RANBP10: variants seen among roughly 807,000 people sequenced by gnomAD.
RANBP10 encodes the protein ran-binding protein 10.
In RANBP10, 24 loss-of-function variants were observed where a neutral mutation model predicts 72.8. That is an observed-to-expected ratio of 0.33 (90% CI 0.24 to 0.46). The LOEUF is 0.46. RANBP10 is among the 20% of genes least tolerant of loss of function. The pLI, the probability that RANBP10 is intolerant of heterozygous loss-of-function variation, is 1.00. For synonymous variants in RANBP10, 310 were observed against 322.3 expected, an observed-to-expected ratio of 0.96 and a Z score of 0.41; for missense variants, 679 against 817.5, an observed-to-expected ratio of 0.83 and a Z score of 2.07.
At chr16:67,772,923 C>T (rs556695773) in intron 2 of RANBP10, among the ~76,000 whole-genome samples, 1 of 152,184 alleles carries the variant, frequency 6.6e-6, no homozygotes, top group Non-Finnish European at 1.5e-5. Context: ...TAAATACCAT[C>T]TTACCTTTGC....
chr16:67,773,924 T>C (rs1445634951), intron 2 of RANBP10, among the ~76,000 whole-genome samples: 1 of 152,220 alleles, frequency 6.6e-6, no homozygotes, highest in Non-Finnish European at 1.5e-5. Flanking sequence ...CCAGAGGGGC[T>C]AGCTTCAAGG....
chr16:67,748,365 C>CA (rs1300711408), intron 3 of RANBP10, among the ~76,000 whole-genome samples: 2 of 150,262 alleles, frequency 1.3e-5, no homozygotes, highest in Non-Finnish European at 3.0e-5. Context: ...ACCAAAAATA[C>CA]AAAAAAAATT....
rs2053566336 is a variant in RANBP10, at chr16:67,724,165, C to T, written c.*2263G>A. The T allele has an allele frequency of 6.6e-6, 1 of 152,526 alleles. No individual in the cohort carries two copies. The highest frequency in any genetic ancestry group is 2.4e-5 in the African/African-American group (1 of 41,468). The allele number at this position is 152,526 out of a possible 1,614,324, so 9.4% of individuals were successfully genotyped here. ...CTAAGCTCAGGCACCCGTCCTCATCCCTGACACACCCCTGAAGGTAGCAGC... is the reference window on the plus strand; with the variant it reads ...CTAAGCTCAGGCACCCGTCCTCATCTCTGACACACCCCTGAAGGTAGCAGC... On this transcript the variant is annotated 3_prime_UTR_variant, in exon 14 of 14. Coordinates refer to ENST00000317506, the MANE Select transcript of RANBP10 (RefSeq NM_020850.3).
chr16:67,726,343 C>A lies in RANBP10; in HGVS notation c.*85G>T. The A allele has an allele frequency of 6.3e-7, 1 of 1,583,614 alleles. No homozygotes were observed. The highest frequency in any genetic ancestry group is 8.6e-7 in the Non-Finnish European group (1 of 1,164,118). On this transcript the variant is annotated 3_prime_UTR_variant, in exon 14 of 14. Transcript: ENST00000317506. ...TGGACTCTGTCTATGGTTTCCCAGT[C>A]CCTGCACCAGTTGCCTATGGAGGGC...
At chr16:67,752,958 G>C in intron 3 of RANBP10, among the ~76,000 whole-genome samples, 1 of 152,082 alleles carries the variant, frequency 6.6e-6, no homozygotes, top group Non-Finnish European at 1.5e-5. Context: ...AACAAGGCTG[G>C]GCTGGGTGCA....
At chr16:67,776,737 A>T (rs1291097726) in intron 2 of RANBP10, among the ~76,000 whole-genome samples, 3 of 150,468 alleles carry the variant, frequency 2.0e-5, no homozygotes, top group Admixed American at 1.3e-4. Context: ...GAGCCACTGC[A>T]CTCCAGCCTG....
intron 3 of RANBP10, among the ~76,000 whole-genome samples, chr16:67,763,739 G>A (rs1014831221): frequency 6.6e-6 from 1 of 152,188 alleles, no homozygotes; most frequent in Admixed American, 6.5e-5. Context: ...CTGTTGCCCA[G>A]GCTGGAGTGC....
chr16:67,774,408 C>T (rs924745670), intron 2 of RANBP10, among the ~76,000 whole-genome samples: 1 of 152,238 alleles, frequency 6.6e-6, no homozygotes, highest in Non-Finnish European at 1.5e-5. Context: ...ACTAAAGCAC[C>T]TGTGCTCAAA....
intron 3 of RANBP10, among the ~76,000 whole-genome samples, chr16:67,771,306 C>A (rs1445441202): frequency 1.3e-5 from 2 of 151,748 alleles, no homozygotes; most frequent in African/African-American, 4.8e-5. Context: ...CAATCACATT[C>A]CACGTGGGAG....
chr16:67,797,735 T>C (rs1037965603), intron 2 of RANBP10, among the ~76,000 whole-genome samples: 2 of 151,936 alleles, frequency 1.3e-5, no homozygotes, highest in African/African-American at 4.8e-5. Flanking sequence ...ACTTGAACCC[T>C]GGGAGGCGGA....
chr16:67,788,546 G>GCGCCCAGCC (rs1293906903), intron 2 of RANBP10, among the ~76,000 whole-genome samples: 3 of 149,198 alleles, frequency 2.0e-5, no homozygotes, highest in African/African-American at 5.0e-5. Context: ...GTGAGCCAGC[G>GCGCCCAGCC]CGCCCAGCCC....
At chr16:67,735,124 G>C in intron 5 of RANBP10, 82 bp from the exon 6 acceptor site, 2 of 1,344,358 alleles carry the variant, frequency 1.5e-6, no homozygotes, top group South Asian at 2.9e-5. Flanking sequence ...GGCTGCTGCT[G>C]GCCCATGCTT....
chr16:67,735,097 C>T, intron 5 of RANBP10, 55 bp from the exon 6 acceptor site: 1 of 1,440,210 alleles, frequency 6.9e-7, no homozygotes, highest in Non-Finnish European at 9.4e-7. Flanking sequence ...GGTTCTAAGG[C>T]CTCACCTCAC....
At chr16:67,745,072 C>T (rs528233676) in intron 3 of RANBP10, among the ~76,000 whole-genome samples, 31 of 151,978 alleles carry the variant, frequency 2.0e-4, no homozygotes, top group Non-Finnish European at 2.8e-4. Context: ...CCTCGTGATC[C>T]GCCCGCCTCA....
intron 2 of RANBP10, among the ~76,000 whole-genome samples, chr16:67,784,238 A>T (rs748583425): frequency 6.6e-6 from 1 of 152,292 alleles, no homozygotes; most frequent in African/African-American, 2.4e-5. Context: ...AATCAGGTGG[A>T]GGCCGGGAGA....
intron 2 of RANBP10, among the ~76,000 whole-genome samples, chr16:67,772,807 T>G (rs566329386): frequency 6.6e-6 from 1 of 152,194 alleles, no homozygotes; most frequent in East Asian, 1.9e-4. Flanking sequence ...CACCTGGAGG[T>G]AGAATGGCAC....
At position 67,789,080 on chromosome 16, in the gene RANBP10, C is replaced by T. The variant is rs142251424; in HGVS notation, c.347+16348G>A. ...ATCCCAGCACTTTGGGAGGCTGAGG[C>T]GGGCAGATTACTTGAGGTCAAGAAT... On this transcript the variant is annotated intron_variant, in intron 2 of 13. Coordinates refer to ENST00000317506, the MANE Select transcript of RANBP10 (RefSeq NM_020850.3). Among the ~76,000 whole-genome samples, 941 of 151,162 alleles carry T rather than the reference C, an allele frequency of 6.2e-3. 8 individuals carry two copies. The highest frequency in any genetic ancestry group is 0.025 in the South Asian group (118 of 4,808).
chr16:67,774,247 A>C (rs761837922), intron 2 of RANBP10, among the ~76,000 whole-genome samples: 1 of 152,198 alleles, frequency 6.6e-6, no homozygotes, highest in Non-Finnish European at 1.5e-5. Flanking sequence ...ATGTCATCCC[A>C]TCCCCAGCAC....
At chr16:67,751,064 C>A in intron 3 of RANBP10, among the ~76,000 whole-genome samples, 1 of 152,176 alleles carries the variant, frequency 6.6e-6, no homozygotes, top group East Asian at 1.9e-4. Context: ...CCACGCCCAG[C>A]CCCTTTTTTC....
Sources: allele counts gnomAD v4.1 joint callset (sites outside exome capture counted in the v4.1 genomes callset), GRCh38; gene constraint gnomAD v4.1.1; transcripts MANE v1.5; gene names NCBI Gene and HGNC (gene_info 2026-07-23, HGNC 2026-07-21).